TMEM108: variants seen among roughly 807,000 people sequenced by gnomAD.
TMEM108 encodes cancer/testis antigen 124.
TMEM108 carries 12 observed loss-of-function variants against 35.1 expected under a neutral mutation model. The observed-to-expected ratio is 0.34, with a 90% CI of 0.22 to 0.55. The LOEUF is 0.55. Among genes scored for constraint, TMEM108 ranks in the 20% least tolerant of loss-of-function variants. The pLI is 0.89. For missense variants in TMEM108, 680 were observed against 753.3 expected (o/e 0.90, Z 1.14); for synonymous variants, 287 against 308.6 (o/e 0.93, Z 0.73).
chr3:133,210,593 T>A (rs540251874), intron 2 of TMEM108, among the ~76,000 whole-genome samples: 58 of 152,290 alleles, frequency 3.8e-4, no homozygotes, highest in African/African-American at 1.3e-3. Context: ...AGCCTTCCAG[T>A]CATCAAAGCA....
At chr3:133,065,104 A>C (rs2107684882) in intron 2 of TMEM108, among the ~76,000 whole-genome samples, 1 of 152,352 alleles carries the variant, frequency 6.6e-6, no homozygotes, top group Non-Finnish European at 1.5e-5. Context: ...TTGGGAAGGC[A>C]TAGATGCTAA....
chr3:133,190,681 A>C (rs1247185355), intron 2 of TMEM108, among the ~76,000 whole-genome samples: 2 of 152,350 alleles, frequency 1.3e-5, no homozygotes, highest in East Asian at 3.9e-4. Flanking sequence ...TTAAAATGAC[A>C]GTAAGTCTAA....
chr3:133,378,805 T>A, intron 3 of TMEM108, among the ~76,000 whole-genome samples: 1 of 44,832 alleles, frequency 2.2e-5, no homozygotes, highest in African/African-American at 7.6e-5. Flanking sequence ...ACAAAATCCT[T>A]TTTTTTTTTT....
intron 3 of TMEM108, among the ~76,000 whole-genome samples, chr3:133,237,507 T>TA (rs1946256181): frequency 6.6e-6 from 1 of 152,176 alleles, no homozygotes; most frequent in Admixed American, 6.6e-5. Flanking sequence ...TGTCATCTGA[T>TA]AATCTTTCCA....
intron 2 of TMEM108, among the ~76,000 whole-genome samples, chr3:133,083,031 T>A (rs1327106751): frequency 2.0e-5 from 3 of 152,006 alleles, no homozygotes; most frequent in Non-Finnish European, 4.4e-5. Flanking sequence ...AAGTTGCAAT[T>A]TTACAGTACA....
intron 3 of TMEM108, among the ~76,000 whole-genome samples, chr3:133,356,958 A>C (rs2072190996): frequency 1.3e-5 from 2 of 152,242 alleles, no homozygotes; most frequent in Admixed American, 1.3e-4. Flanking sequence ...AAAAACATAA[A>C]TAAATAGGAC....
intron 1 of TMEM108, among the ~76,000 whole-genome samples, chr3:133,042,820 A>G (rs1943290972): frequency 6.6e-6 from 1 of 152,258 alleles, no homozygotes; most frequent in Non-Finnish European, 1.5e-5. Context: ...TCAGGACTCA[A>G]TATAGTTTTC....
intron 3 of TMEM108, among the ~76,000 whole-genome samples, chr3:133,318,323 A>G (rs1178763365): frequency 6.6e-6 from 1 of 152,226 alleles, no homozygotes; most frequent in Non-Finnish European, 1.5e-5. Context: ...AAAAATGGGG[A>G]TAGTAACTGG....
At chr3:133,064,480 G>T (rs1943571996) in intron 2 of TMEM108, among the ~76,000 whole-genome samples, 2 of 152,240 alleles carry the variant, frequency 1.3e-5, no homozygotes, top group South Asian at 2.1e-4. Flanking sequence ...ATTCAGGAAA[G>T]ATTTGCCAAA....
At chr3:133,311,749 A>G (rs1017433457) in intron 3 of TMEM108, among the ~76,000 whole-genome samples, 1 of 152,090 alleles carries the variant, frequency 6.6e-6, no homozygotes, top group Non-Finnish European at 1.5e-5. Flanking sequence ...GCTTTGTTCC[A>G]TTGCTGGCGA....
At chr3:133,279,929 T>C (rs904691230) in intron 3 of TMEM108, among the ~76,000 whole-genome samples, 1 of 152,168 alleles carries the variant, frequency 6.6e-6, no homozygotes, top group African/African-American at 2.4e-5. Context: ...GGATGTAAAA[T>C]ATAATATTAT....
chr3:133,227,879 G>T (rs1946097362), intron 2 of TMEM108, among the ~76,000 whole-genome samples: 1 of 152,014 alleles, frequency 6.6e-6, no homozygotes, highest in Non-Finnish European at 1.5e-5. Context: ...TGGCGACAGA[G>T]TGAGACTTCG....
chr3:133,340,782 A>G (rs1191436025), intron 3 of TMEM108, among the ~76,000 whole-genome samples: 1 of 151,758 alleles, frequency 6.6e-6, no homozygotes, highest in South Asian at 2.1e-4. Context: ...CAATTAATGT[A>G]AAACATAATA....
intron 2 of TMEM108, among the ~76,000 whole-genome samples, chr3:133,092,745 G>T (rs949092815): frequency 5.9e-5 from 9 of 152,046 alleles, no homozygotes; most frequent in Admixed American, 4.6e-4. Context: ...CCTATTGTGG[G>T]ACATGTCCAT....
chr3:133,316,290 C>T (rs1487489813), intron 3 of TMEM108, among the ~76,000 whole-genome samples: 1 of 152,182 alleles, frequency 6.6e-6, no homozygotes, highest in Non-Finnish European at 1.5e-5. Context: ...GTTTGTTTCC[C>T]TTCTTTGTAT....
chr3:133,117,294 G>A (rs1467288814), intron 2 of TMEM108, among the ~76,000 whole-genome samples: 2 of 152,182 alleles, frequency 1.3e-5, no homozygotes, highest in African/African-American at 4.8e-5. Context: ...ATAGGCTAGA[G>A]CTGAACAGTT....
At chr3:133,124,954 CAT>C (rs574695269) in intron 2 of TMEM108, 42 of 152,250 alleles carry the variant, frequency 2.8e-4, no homozygotes, top group African/African-American at 7.0e-4. Context: ...AGAAGCTAAA[CAT>C]GTGGGGAAAA....
chr3:133,216,996 G>T (rs933930360), intron 2 of TMEM108, among the ~76,000 whole-genome samples: 3 of 152,118 alleles, frequency 2.0e-5, no homozygotes, highest in Non-Finnish European at 2.9e-5. Context: ...ATTTTTTCAG[G>T]AACCTCGCTA....
intron 2 of TMEM108, among the ~76,000 whole-genome samples, chr3:133,171,892 C>T (rs774031255): frequency 6.6e-6 from 1 of 152,142 alleles, no homozygotes; most frequent in Non-Finnish European, 1.5e-5. Flanking sequence ...CAAGAAGTAC[C>T]AGTGGCTGCA....
Sources: gnomAD v4.1 joint callset for allele counts (sites outside exome capture counted in the v4.1 genomes callset) on GRCh38, gnomAD v4.1.1 for gene constraint, MANE v1.5 for transcripts, NCBI Gene and HGNC (gene_info 2026-07-23, HGNC 2026-07-21) for gene names.